The following PDE2A variants were observed in gnomAD, a reference collection of about 807,000 sequenced individuals.
PDE2A encodes cGMP-dependent 3',5'-cyclic phosphodiesterase.
A neutral mutation model predicts 133.6 loss-of-function variants in PDE2A; 53 were observed. The ratio of observed to expected loss-of-function variants is 0.40; its 90% CI spans 0.32 to 0.50. The LOEUF is 0.50. Among genes scored for constraint, PDE2A ranks in the 20% least tolerant of loss-of-function variants. The pLI, the probability that PDE2A is intolerant of heterozygous loss-of-function variation, is 0.73. For synonymous variants in PDE2A, 491 were observed against 490.2 expected, an observed-to-expected ratio of 1.00 and a Z score of -0.02; for missense variants, 796 against 1,232.4, an observed-to-expected ratio of 0.65 and a Z score of 5.30.
intron 1 of PDE2A, among the ~76,000 whole-genome samples, chr11:72,649,041 T>C (rs1319093514): frequency 2.0e-5 from 3 of 152,300 alleles, no homozygotes; most frequent in Admixed American, 2.0e-4. Flanking sequence ...GGCTTCCTAT[T>C]GCCAGCAGGA....
At chr11:72,582,345 A>AGGCT in intron 21 of PDE2A, 99 bp downstream of exon 21, 1 of 1,226,912 alleles carries the variant, frequency 8.2e-7, no homozygotes, top group Non-Finnish European at 1.2e-6. Flanking sequence ...GCCTTCCTTG[A>AGGCT]TGACTCTGTC....
chr11:72,584,844 GC>G, intron 17 of PDE2A, 27 bp downstream of exon 17: 1 of 1,611,408 alleles, frequency 6.2e-7, no homozygotes, highest in Middle Eastern at 1.7e-4. Context: ...CACCCCTAGG[GC>G]CACATACTCC....
intron 4 of PDE2A, among the ~76,000 whole-genome samples, chr11:72,601,828 C>A (rs1002249676): frequency 6.6e-6 from 1 of 152,150 alleles, no homozygotes; most frequent in Non-Finnish European, 1.5e-5. Flanking sequence ...GTTTGCAGCC[C>A]TTACAATTCA....
At chr11:72,608,498 G>T (rs1034162732) in intron 3 of PDE2A, among the ~76,000 whole-genome samples, 164 bp downstream of exon 3, 1 of 152,216 alleles carries the variant, frequency 6.6e-6, no homozygotes, top group Non-Finnish European at 1.5e-5. Flanking sequence ...CCTCCAGAAA[G>T]CTGTCTCAGA....
intron 2 of PDE2A, among the ~76,000 whole-genome samples, chr11:72,630,148 C>A (rs142498285): frequency 0.012 from 1,874 of 152,070 alleles, 42 homozygotes; most frequent in African/African-American, 0.043. Flanking sequence ...GGGGATGGCA[C>A]CCCTCGCAGG....
intron 16 of PDE2A, 151 bp downstream of exon 16, chr11:72,585,220 G>T: frequency 5.5e-6 from 4 of 727,680 alleles, no homozygotes; most frequent in Non-Finnish European, 7.2e-6. Flanking sequence ...ACAGTCTAGC[G>T]AGGGAGACAG....
chr11:72,655,363 A>T (rs1854865112), intron 1 of PDE2A, among the ~76,000 whole-genome samples: 2 of 152,228 alleles, frequency 1.3e-5, no homozygotes, highest in South Asian at 4.1e-4. Flanking sequence ...CCTGGGGACA[A>T]TGAGCAGTGA....
intron 1 of PDE2A, among the ~76,000 whole-genome samples, chr11:72,647,434 G>A (rs1410464178): frequency 6.6e-6 from 1 of 152,202 alleles, no homozygotes; most frequent in African/African-American, 2.4e-5. Context: ...CAGTATCCAG[G>A]CAGGCCTCCC....
At chr11:72,662,533 C>T (rs1011915549) in intron 1 of PDE2A, among the ~76,000 whole-genome samples, 1 of 152,130 alleles carries the variant, frequency 6.6e-6, no homozygotes, top group African/African-American at 2.4e-5. Flanking sequence ...CTTTAGGGGC[C>T]ATTGTCTGAG....
intron 1 of PDE2A, among the ~76,000 whole-genome samples, chr11:72,657,649 C>G (rs1194871050): frequency 6.6e-6 from 1 of 152,176 alleles, no homozygotes; most frequent in African/African-American, 2.4e-5. Flanking sequence ...TCACCTGAAC[C>G]CTGGAAGGCC....
Position 72,589,197 on chromosome 11 carries a change from A to T in PDE2A, c.917T>A (p.Ile306Asn). Reference protein sequence around the residue: ...LGQVVEDKKSIQLKDLTSEDV... With the variant: ...LGQVVEDKKSNQLKDLTSEDV... ...TACGGAGGTGAGGTCCTTCAGCTGG[A>T]TGGACTTCTTGTCTTCCACCACCTG... The change falls in exon 12 of 31, where the codon ATC becomes AAC. Residue 306 changes from isoleucine (I) to asparagine (N), a missense_variant. By Grantham distance (149) the Ile-to-Asn change is moderately radical. Coordinates refer to ENST00000334456, the MANE Select transcript of PDE2A (RefSeq NM_002599.5). 1.2e-6 allele frequency: 2 copies of T among 1,613,840 alleles called. No homozygotes were observed. The highest frequency in any genetic ancestry group is 1.1e-5 in the South Asian group (1 of 90,984).
Position 72,581,000 on chromosome 11 carries a change from A to G in PDE2A, c.2046-27T>C. 2.0e-6 allele frequency: 3 copies of G among 1,505,622 alleles called. No homozygotes were observed. The South Asian group carries it at 3.4e-5, about 17-fold the overall frequency. The allele number at this position is 1,505,622 out of a possible 1,614,324, so 93.3% of individuals were successfully genotyped here. A position where few individuals can be genotyped will look rare whatever the true frequency, so the allele number is the denominator to read the frequency against. The stretch of plus-strand genomic sequence containing the variant: ...TGGTTGAGAGGCAGAAAGGAGAAAA[A>G]AAAGAGGTCAGCCCACAGTTCCCTC... On this transcript the variant is annotated intron_variant, in intron 23 of 30. Coordinates refer to ENST00000334456, the MANE Select transcript of PDE2A (RefSeq NM_002599.5).
intron 1 of PDE2A, among the ~76,000 whole-genome samples, chr11:72,650,349 C>T (rs1854697492): frequency 6.6e-6 from 1 of 152,050 alleles, no homozygotes; most frequent in Non-Finnish European, 1.5e-5. Context: ...TCAGCAACCT[C>T]CACTGAGCCA....
At chr11:72,588,212 T>A (rs893765840) in intron 13 of PDE2A, among the ~76,000 whole-genome samples, 19 of 152,144 alleles carry the variant, frequency 1.2e-4, no homozygotes, top group African/African-American at 4.3e-4. Flanking sequence ...TATGAGTTGG[T>A]GTAGGATATG....
intron 2 of PDE2A, among the ~76,000 whole-genome samples, chr11:72,636,374 T>C (rs1202161645): frequency 6.6e-6 from 1 of 152,256 alleles, no homozygotes; most frequent in Non-Finnish European, 1.5e-5. Context: ...TGAATTTTAT[T>C]AAGTATTACA....
intron 2 of PDE2A, among the ~76,000 whole-genome samples, chr11:72,627,026 G>A (rs72962119): frequency 4.3e-4 from 66 of 152,174 alleles, no homozygotes; most frequent in South Asian, 1.5e-3. Flanking sequence ...TGGCTTCTTC[G>A]GTTGGTGCCC....
chr11:72,593,774 A>G (rs929004178), intron 6 of PDE2A, among the ~76,000 whole-genome samples: 1 of 152,186 alleles, frequency 6.6e-6, no homozygotes, highest in Non-Finnish European at 1.5e-5. Flanking sequence ...ACAGCCCTGC[A>G]CCTGGCCAGC....
intron 16 of PDE2A, 170 bp from the exon 17 acceptor site, chr11:72,585,114 G>GTT (rs5792596): frequency 3.2e-5 from 19 of 594,482 alleles, no homozygotes; most frequent in African/African-American, 1.7e-4. Context: ...CAAGTGTTTT[G>GTT]TTTTTTTTTT....
chr11:72,632,068 T>C (rs1416451218), intron 2 of PDE2A, among the ~76,000 whole-genome samples: 1 of 152,138 alleles, frequency 6.6e-6, no homozygotes. Flanking sequence ...CCATCCCTGC[T>C]AGTCCCTGCT....
Sources: allele counts gnomAD v4.1 joint callset (sites outside exome capture counted in the v4.1 genomes callset), GRCh38; gene constraint gnomAD v4.1.1; transcripts MANE v1.5; gene names NCBI Gene and HGNC (gene_info 2026-07-23, HGNC 2026-07-21).